PTPRN2: variants seen among roughly 807,000 people sequenced by gnomAD.
PTPRN2 encodes the protein protein tyrosine phosphatase receptor type N2.
PTPRN2 carries 74 observed loss-of-function variants against 118.8 expected under a neutral mutation model. The observed-to-expected ratio is 0.62, with a 90% CI of 0.52 to 0.76. PTPRN2 has a LOEUF of 0.76. Among genes scored for constraint, PTPRN2 ranks in the 30% least tolerant of loss-of-function variants. The pLI, the probability that PTPRN2 is intolerant of heterozygous loss-of-function variation, is 0.00. For missense variants in PTPRN2, 1,481 were observed against 1,394.4 expected (o/e 1.06, Z -0.99); for synonymous variants, 641 against 608.0 (o/e 1.05, Z -0.80).
chr7:158,087,879 A>AC (rs1554534574), intron 10 of PTPRN2, among the ~76,000 whole-genome samples: 3 of 82,752 alleles, frequency 3.6e-5, no homozygotes, highest in African/African-American at 6.4e-5. Flanking sequence ...CTTCACACAA[A>AC]CCTTCTTCCC....
intron 3 of PTPRN2, among the ~76,000 whole-genome samples, chr7:158,262,976 C>A (rs1252374875): frequency 1.6e-5 from 2 of 121,696 alleles, no homozygotes; most frequent in African/African-American, 3.4e-5. Context: ...ACACACTGCA[C>A]ACATACAGAT....
chr7:158,435,436 GA>G (rs895489727), intron 2 of PTPRN2, among the ~76,000 whole-genome samples: 17 of 147,432 alleles, frequency 1.2e-4, no homozygotes, highest in East Asian at 3.9e-4. Context: ...CCTATTATCA[GA>G]AAAAAAAAAG....
intron 19 of PTPRN2, among the ~76,000 whole-genome samples, chr7:157,576,392 T>TC (rs1013682838): frequency 2.0e-5 from 3 of 152,184 alleles, no homozygotes; most frequent in Non-Finnish European, 4.4e-5. Flanking sequence ...AGATGCCTAT[T>TC]CCCCCTCACA....
At chr7:158,334,686 C>T (rs1490876517) in intron 2 of PTPRN2, among the ~76,000 whole-genome samples, 4 of 69,978 alleles carry the variant, frequency 5.7e-5, no homozygotes, top group Admixed American at 1.5e-4. Context: ...CTCACACCCA[C>T]ACTCTCACCA....
At chr7:158,083,254 G>T (rs1812978993) in intron 10 of PTPRN2, among the ~76,000 whole-genome samples, 1 of 152,128 alleles carries the variant, frequency 6.6e-6, no homozygotes, top group South Asian at 2.1e-4. Context: ...CACGCAGGAG[G>T]TGATCAATTC....
Position 158,110,903 on chromosome 7 carries a change from G to A in PTPRN2, c.1569C>T (p.Pro523=), listed in dbSNP as rs372569816. ...YIVTDRDPLR[P]EEGRRLVEDV... is the part of the protein sequence containing the mutation. Reference sequence around the variant, plus strand: ...CCTCCACCAGCCGCCTTCCTTCCTCGGGGCGCAGGGGGCTGCGGATGACAG... The same window carrying A: ...CCTCCACCAGCCGCCTTCCTTCCTCAGGGCGCAGGGGGCTGCGGATGACAG... Residue 523 remains proline (P), a synonymous_variant, in exon 10 of 23, where the codon CCC becomes CCT. Transcript: ENST00000389418. The A allele has an allele frequency of 9.6e-6, 15 of 1,564,668 alleles. No homozygotes were observed. Among genetic ancestry groups the A allele is most frequent in the African/African-American group, 4.1e-5 (3 of 73,868 alleles).
At chr7:157,680,019 C>T (rs896228700) in intron 13 of PTPRN2, among the ~76,000 whole-genome samples, 2 of 152,186 alleles carry the variant, frequency 1.3e-5, no homozygotes, top group Admixed American at 1.3e-4. Flanking sequence ...GGTAAGAACA[C>T]AAGTTCTTTT....
chr7:157,706,191 C>T (rs113873650), intron 12 of PTPRN2, among the ~76,000 whole-genome samples: 4 of 151,660 alleles, frequency 2.6e-5, no homozygotes, highest in African/African-American at 9.7e-5. Flanking sequence ...ACACCCCTCC[C>T]AATGCCAGGA....
chr7:157,548,920 C>A, intron 22 of PTPRN2, 26 bp downstream of exon 22: 1 of 1,607,730 alleles, frequency 6.2e-7, no homozygotes, highest in Non-Finnish European at 8.5e-7. Flanking sequence ...AATGGGTCTG[C>A]GTCCCGGAGG....
chr7:158,071,099 G>A (rs1298231236), intron 11 of PTPRN2, among the ~76,000 whole-genome samples: 4 of 97,624 alleles, frequency 4.1e-5, no homozygotes, highest in Admixed American at 1.9e-4. Context: ...GGTGGTGGAG[G>A]TGCTCGTGGT....
At chr7:157,925,870 G>A (rs1018467323) in intron 11 of PTPRN2, among the ~76,000 whole-genome samples, 4 of 151,792 alleles carry the variant, frequency 2.6e-5, no homozygotes, top group African/African-American at 4.8e-5. Flanking sequence ...TTCAAAGCGC[G>A]GTGCCTCAGA....
At chr7:158,024,102 C>A (rs73169789) in intron 11 of PTPRN2, among the ~76,000 whole-genome samples, 7,356 of 152,282 alleles carry the variant, frequency 0.048, 238 homozygotes, top group Admixed American at 0.088. Context: ...CAATGCCAAA[C>A]ACACCCCAGC....
In PTPRN2 at chr7:158,146,696, G is replaced by C. The variant is rs1005075027; in HGVS notation, c.911-8181C>G. Among the ~76,000 whole-genome samples the C allele has an allele frequency of 2.7e-5, 4 of 147,882 alleles. 1 individual carries two copies. The highest frequency in any genetic ancestry group is 1.0e-4 in the African/African-American group (4 of 39,514). ...AGATCGCGCCACTGCACTCCAGCCTGGGCGACAGAGCGAGACTCTGCCTCA... is the reference window on the plus strand; with the variant it reads ...AGATCGCGCCACTGCACTCCAGCCTCGGCGACAGAGCGAGACTCTGCCTCA... On this transcript the variant is annotated intron_variant, in intron 6 of 22. Coordinates refer to ENST00000389418, the MANE Select transcript of PTPRN2 (RefSeq NM_002847.5).
chr7:157,576,517 C>T, intron 19 of PTPRN2, 96 bp downstream of exon 19: 5 of 1,287,176 alleles, frequency 3.9e-6, no homozygotes, highest in Non-Finnish European at 5.2e-6. Context: ...CAGACGCGGC[C>T]CTCGGCGCCA....
At chr7:158,417,962 G>A (rs991222850) in intron 2 of PTPRN2, among the ~76,000 whole-genome samples, 64 of 150,478 alleles carry the variant, frequency 4.3e-4, no homozygotes, top group Non-Finnish European at 4.9e-4. Flanking sequence ...ACATCGAGAT[G>A]CTCTAGCTCT....
chr7:157,561,722 C>T (rs984428015), intron 21 of PTPRN2, among the ~76,000 whole-genome samples: 3 of 152,246 alleles, frequency 2.0e-5, no homozygotes, highest in Non-Finnish European at 2.9e-5. Context: ...CAGGACAGCC[C>T]GTGAGTGAAG....
intron 2 of PTPRN2, among the ~76,000 whole-genome samples, chr7:158,460,167 G>A (rs1393207303): frequency 1.2e-5 from 1 of 83,636 alleles, no homozygotes; most frequent in Non-Finnish European, 2.5e-5. Context: ...CTCCTAGAGG[G>A]GCTGTGTGCC....
At chr7:157,981,054 G>A (rs1032517591) in intron 11 of PTPRN2, among the ~76,000 whole-genome samples, 3 of 152,224 alleles carry the variant, frequency 2.0e-5, no homozygotes, top group East Asian at 1.9e-4. Context: ...GATGCCCTGC[G>A]CACTCTGGCT....
chr7:157,738,748 C>T lies in PTPRN2; in HGVS notation c.1789-55811G>A, dbSNP rs890823840. On this transcript the variant is annotated intron_variant, in intron 12 of 22. Transcript: ENST00000389418. ...TTTTGTATGTATTATTTCAGAGCTC[C>T]GTGCTGTTTCTGGACACGTGTTTTA... is the stretch of plus-strand genomic sequence containing the variant. Among the ~76,000 whole-genome samples the T allele has an allele frequency of 5.3e-5, 8 of 152,174 alleles. 1 individual carries two copies. The Middle Eastern group carries it at 0.01, about 194-fold the overall frequency.
Sources: gnomAD v4.1 joint callset for allele counts (sites outside exome capture counted in the v4.1 genomes callset) on GRCh38, gnomAD v4.1.1 for gene constraint, MANE v1.5 for transcripts, NCBI Gene and HGNC (gene_info 2026-07-23, HGNC 2026-07-21) for gene names.